The following PSMA1 variants were observed in gnomAD, a reference collection of about 807,000 sequenced individuals.
The protein encoded by PSMA1 is proteasome subunit alpha type-1.
A neutral mutation model predicts 38.4 loss-of-function variants in PSMA1; 3 were observed. The ratio of observed to expected loss-of-function variants is 0.08; its 90% CI spans 0.04 to 0.20. PSMA1 has a LOEUF of 0.20. PSMA1 is among the 10% of genes least tolerant of loss of function. The pLI, the probability that PSMA1 is intolerant of heterozygous loss-of-function variation, is 1.00. For missense variants in PSMA1, 227 were observed against 325.3 expected, an observed-to-expected ratio of 0.70 and a Z score of 2.32; for synonymous variants, 101 against 107.1, an observed-to-expected ratio of 0.94 and a Z score of 0.35.
chr11:14,628,907 C>T (rs953024331), intron 1 of PSMA1, among the ~76,000 whole-genome samples: 16 of 151,110 alleles, frequency 1.1e-4, no homozygotes, highest in African/African-American at 3.7e-4. Flanking sequence ...TTGCATTTCT[C>T]GGATGGCCAG....
At chr11:14,581,060 CAT>C (rs2134183334) in intron 2 of PSMA1, among the ~76,000 whole-genome samples, 1 of 152,234 alleles carries the variant, frequency 6.6e-6, no homozygotes, top group East Asian at 1.9e-4. Context: ...AAGGGAAACA[CAT>C]ATGAGAGAAC....
At chr11:14,620,839 CATT>C (rs1852835222) in intron 1 of PSMA1, among the ~76,000 whole-genome samples, 1 of 152,178 alleles carries the variant, frequency 6.6e-6, no homozygotes, top group Admixed American at 6.5e-5. Context: ...TCACAGCTCT[CATT>C]GTGAAAATTG....
chr11:14,560,507 C>A (rs1851996200), intron 2 of PSMA1, among the ~76,000 whole-genome samples: 1 of 152,134 alleles, frequency 6.6e-6, no homozygotes, highest in Admixed American at 6.5e-5. Context: ...CCTCCATTTA[C>A]CATCAAAATT....
intron 2 of PSMA1, among the ~76,000 whole-genome samples, chr11:14,568,789 A>C (rs1387036799): frequency 6.6e-5 from 10 of 152,216 alleles, no homozygotes; most frequent in Admixed American, 6.5e-4. Flanking sequence ...CTGCTTTGGA[A>C]AGGCTTTCTG....
Position 14,588,691 on chromosome 11 carries a change from G to A in PSMA1, c.21+22275C>T, listed in dbSNP as rs368256870. Among the ~76,000 whole-genome samples the A allele has an allele frequency of 3.2e-4, 49 of 152,142 alleles. No homozygotes were observed. In the East Asian group the frequency reaches 7.7e-3, roughly 24 times the overall value. On this transcript the variant is annotated intron_variant, in intron 2 of 10. Transcript: ENST00000418988. ...GAGTGTCTCATGAATCACAATAATC[G>A]CAATTATAGCCAATTATTTTTTAAT...
intron 1 of PSMA1, among the ~76,000 whole-genome samples, chr11:14,623,333 A>G (rs184397537): frequency 9.1e-4 from 138 of 152,342 alleles, no homozygotes; most frequent in African/African-American, 3.0e-3. Flanking sequence ...AAAATGGACC[A>G]TGGCTGCATT....
At chr11:14,523,243 T>C (rs1029050390), upstream of PSMA1, among the ~76,000 whole-genome samples, 3 of 152,164 alleles carry the variant, frequency 2.0e-5, no homozygotes, top group African/African-American at 7.2e-5. Flanking sequence ...GGGATTTGGC[T>C]CAAGATACAT....
chr11:14,596,914 G>T (rs564608038), intron 2 of PSMA1, among the ~76,000 whole-genome samples: 1 of 152,158 alleles, frequency 6.6e-6, no homozygotes, highest in East Asian at 1.9e-4. Flanking sequence ...TTTGAAATAC[G>T]TTCCATCAAT....
intron 2 of PSMA1, among the ~76,000 whole-genome samples, chr11:14,602,648 G>A (rs1782021779): frequency 6.6e-6 from 1 of 152,092 alleles, no homozygotes; most frequent in African/African-American, 2.4e-5. Context: ...AATGGCTGTT[G>A]GCGGTGATAA....
chr11:14,521,193 C>T (rs886254805), upstream of PSMA1, among the ~76,000 whole-genome samples: 3 of 126,510 alleles, frequency 2.4e-5, no homozygotes, highest in Admixed American at 2.4e-4. Context: ...TGTGGTGGCT[C>T]ACGCCTGTAA....
intron 2 of PSMA1, among the ~76,000 whole-genome samples, chr11:14,589,978 T>C (rs929124374): frequency 1.3e-5 from 2 of 152,210 alleles, no homozygotes; most frequent in African/African-American, 4.8e-5. Context: ...ATAAACAGAA[T>C]GTGGTCTAAA....
chr11:14,589,383 GTA>G (rs1554971455), intron 2 of PSMA1, among the ~76,000 whole-genome samples: 21 of 149,982 alleles, frequency 1.4e-4, no homozygotes, highest in African/African-American at 4.2e-4. Context: ...GTGTGTGTGT[GTA>G]TATATATGTG....
At chr11:14,555,454 C>G (rs1851932958) in intron 2 of PSMA1, among the ~76,000 whole-genome samples, 1 of 151,984 alleles carries the variant, frequency 6.6e-6, no homozygotes, top group Admixed American at 6.6e-5. Context: ...GGCATCATAT[C>G]TAGAGGAATA....
chr11:14,641,673 G>A (rs956246407), intron 1 of PSMA1, among the ~76,000 whole-genome samples: 1 of 152,166 alleles, frequency 6.6e-6, no homozygotes, highest in African/African-American at 2.4e-5. Context: ...TTTGTGAAGA[G>A]GGCTTTGGAT....
At chr11:14,608,702 G>T (rs982527574) in intron 2 of PSMA1, among the ~76,000 whole-genome samples, 5 of 147,168 alleles carry the variant, frequency 3.4e-5, no homozygotes, top group African/African-American at 1.2e-4. Flanking sequence ...GATTATATAT[G>T]TTAAAATATA....
At chr11:14,635,337 T>C (rs941554486) in intron 1 of PSMA1, among the ~76,000 whole-genome samples, 3 of 152,222 alleles carry the variant, frequency 2.0e-5, no homozygotes, top group Non-Finnish European at 4.4e-5. Flanking sequence ...TTTCTTGTTA[T>C]TTTTCACAGT....
rs1589978558 is a variant in PSMA1, at chr11:14,513,706, A to G, written c.415-7T>C. ...AAATGTGAGGGCCCATATCCTACAA[A>G]TAGAAATAAATACACCACATAATTA... is the stretch of plus-strand genomic sequence containing the variant. On this transcript the variant is annotated splice_region_variant and splice_polypyrimidine_tract_variant and intron_variant, in intron 6 of 9. Coordinates refer to ENST00000396394, the MANE Select transcript of PSMA1 (RefSeq NM_002786.4). 1 of 1,567,866 alleles carries G rather than the reference A, an allele frequency of 6.4e-7. No homozygotes were observed. The highest frequency in any genetic ancestry group is 1.4e-5 in the African/African-American group (1 of 72,278).
chr11:14,619,578 C>T (rs912074067), intron 1 of PSMA1, among the ~76,000 whole-genome samples: 2 of 152,034 alleles, frequency 1.3e-5, no homozygotes, highest in African/African-American at 4.8e-5. Context: ...AAGTAAAAGC[C>T]TGAAGAAATT....
intron 2 of PSMA1, among the ~76,000 whole-genome samples, chr11:14,571,933 G>C (rs1852147320): frequency 6.6e-6 from 1 of 152,164 alleles, no homozygotes; most frequent in African/African-American, 2.4e-5. Flanking sequence ...TTACATAATG[G>C]TAAAGGGATT....
Sources: gnomAD v4.1 joint callset for allele counts (sites outside exome capture counted in the v4.1 genomes callset) on GRCh38, gnomAD v4.1.1 for gene constraint, MANE v1.5 for transcripts, NCBI Gene and HGNC (gene_info 2026-07-23, HGNC 2026-07-21) for gene names.